Variants in RALYL observed in about 807,000 individuals in gnomAD.
RALYL encodes the protein RALY RNA binding protein like, also known as RNA-binding Raly-like protein.
RALYL carries 29 observed loss-of-function variants against 35.1 expected under a neutral mutation model. The observed-to-expected ratio is 0.83, with a 90% CI of 0.61 to 1.13. RALYL has a LOEUF of 1.13. Ranked by LOEUF, RALYL falls within the 50% of genes most tolerant of loss-of-function variation. The probability of loss-of-function intolerance (pLI) is 0.00; values close to 1 mark genes in which losing one functional copy is unlikely to be tolerated. For synonymous variants in RALYL, 120 were observed against 127.6 expected, an observed-to-expected ratio of 0.94 and a Z score of 0.40; for missense variants, 359 against 360.4, an observed-to-expected ratio of 1.00 and a Z score of 0.03.
At chr8:84,192,070 A>C (rs1293910055) in intron 1 of RALYL, among the ~76,000 whole-genome samples, 2 of 152,224 alleles carry the variant, frequency 1.3e-5, no homozygotes, top group Non-Finnish European at 2.9e-5. Flanking sequence ...ACCCAACATC[A>C]CCAATAGACA....
intron 2 of RALYL, among the ~76,000 whole-genome samples, chr8:84,634,626 A>G (rs1400067685): frequency 6.6e-6 from 1 of 151,802 alleles, no homozygotes; most frequent in Middle Eastern, 3.2e-3. Context: ...TATATTCAAT[A>G]CATTTATTAA....
At chr8:84,553,217 A>G (rs2060870665) in intron 2 of RALYL, among the ~76,000 whole-genome samples, 1 of 152,202 alleles carries the variant, frequency 6.6e-6, no homozygotes. Context: ...CCTGGAGTGC[A>G]GTGGCACAAT....
intron 1 of RALYL, among the ~76,000 whole-genome samples, chr8:84,307,484 A>G (rs1842040707): frequency 6.6e-6 from 1 of 152,220 alleles, no homozygotes; most frequent in African/African-American, 2.4e-5. Context: ...AGCCAAATGA[A>G]GAAAAAAAAG....
Position 84,274,253 on chromosome 8 carries a change from C to T in RALYL, c.-24+89829C>T, listed in dbSNP as rs78099418. 5.0e-3 allele frequency among the ~76,000 whole-genome samples: 763 copies of T among 152,168 alleles called. 8 individuals carry two copies. Among genetic ancestry groups the T allele is most frequent in the African/African-American group, 0.018 (741 of 41,508 alleles). On this transcript the variant is annotated intron_variant, in intron 1 of 8. Coordinates refer to ENST00000521268, the MANE Select transcript of RALYL (RefSeq NM_173848.7). ...TAAATGTTACAAGTCTAGCAAAATG[C>T]CTTTACTTTCATCCCTTAATATGTT...
chr8:84,209,999 G>A (rs182950838), intron 1 of RALYL, among the ~76,000 whole-genome samples: 56 of 152,182 alleles, frequency 3.7e-4, no homozygotes, highest in African/African-American at 1.3e-3. Flanking sequence ...TTCTCATATG[G>A]AAAACTCACA....
intron 1 of RALYL, among the ~76,000 whole-genome samples, chr8:84,223,869 T>C (rs1407308603): frequency 2.6e-5 from 4 of 152,206 alleles, no homozygotes; most frequent in Non-Finnish European, 4.4e-5. Context: ...CAGAGTGTTA[T>C]GAATTAAATT....
At chr8:84,765,087 G>A (rs1329601927) in intron 2 of RALYL, among the ~76,000 whole-genome samples, 1 of 152,092 alleles carries the variant, frequency 6.6e-6, no homozygotes, top group Non-Finnish European at 1.5e-5. Flanking sequence ...AACCCACCTG[G>A]CCAGGAAATT....
intron 1 of RALYL, among the ~76,000 whole-genome samples, chr8:84,488,645 G>A (rs192965919): frequency 8.0e-4 from 122 of 151,686 alleles, no homozygotes; most frequent in Non-Finnish European, 8.6e-4. Flanking sequence ...TCAAACCACT[G>A]AAGTTCAAGT....
intron 3 of RALYL, among the ~76,000 whole-genome samples, chr8:84,775,932 T>C (rs193232649): frequency 1.8e-4 from 27 of 152,316 alleles, no homozygotes; most frequent in African/African-American, 6.3e-4. Flanking sequence ...TTGTTAGATA[T>C]AGCCAATTGT....
chr8:84,611,141 T>G (rs755826848), intron 2 of RALYL, among the ~76,000 whole-genome samples: 1 of 152,118 alleles, frequency 6.6e-6, no homozygotes, highest in South Asian at 2.1e-4. Context: ...TTTATCCTAC[T>G]TTACAGAAAA....
At chr8:84,555,780 T>C (rs749446173) in intron 2 of RALYL, among the ~76,000 whole-genome samples, 5 of 152,226 alleles carry the variant, frequency 3.3e-5, no homozygotes, top group Non-Finnish European at 5.9e-5. Flanking sequence ...CATTGTAGCT[T>C]ATATAACATT....
Position 84,804,752 on chromosome 8 carries a change from T to G in RALYL, c.333-18T>G, listed in dbSNP as rs1360263591. ...GCAAATTTTTATATTAAAAGAAAAT[T>G]TTCATATTTTTTCATAGACTTGAAT... On this transcript the variant is annotated intron_variant, in intron 3 of 8. Transcript: ENST00000521268. 1.7e-6 allele frequency: 2 copies of G among 1,152,564 alleles called. No individual in the cohort carries two copies. Among genetic ancestry groups the G allele is most frequent in the African/African-American group, 1.6e-5 (1 of 63,168 alleles). The allele number at this position is 1,152,564 out of a possible 1,614,324, so 71.4% of individuals were successfully genotyped here.
At chr8:84,479,702 TTA>T (rs2053851285) in intron 1 of RALYL, among the ~76,000 whole-genome samples, 1 of 152,180 alleles carries the variant, frequency 6.6e-6, no homozygotes, top group South Asian at 2.1e-4. Context: ...GGGCTACTGC[TTA>T]CATTCTTGCC....
intron 6 of RALYL, among the ~76,000 whole-genome samples, chr8:84,863,391 C>T (rs1358943538): frequency 6.6e-6 from 1 of 152,066 alleles, no homozygotes; most frequent in African/African-American, 2.4e-5. Flanking sequence ...GCAACAGAGC[C>T]GAGCCAGAGA....
chr8:84,478,873 T>A (rs1259171864), intron 1 of RALYL, among the ~76,000 whole-genome samples: 1 of 144,242 alleles, frequency 6.9e-6, no homozygotes, highest in Non-Finnish European at 1.5e-5. Context: ...GATCACGAGG[T>A]CAGGAGATCG....
chr8:84,359,113 T>C lies in RALYL; in HGVS notation c.-23-170186T>C, dbSNP rs189656504. Among the ~76,000 whole-genome samples the C allele has an allele frequency of 3.0e-3, 454 of 152,124 alleles. 4 individuals carry two copies. The highest frequency in any genetic ancestry group is 0.011 in the African/African-American group (442 of 41,548). On this transcript the variant is annotated intron_variant, in intron 1 of 8. Coordinates refer to ENST00000521268, the MANE Select transcript of RALYL (RefSeq NM_173848.7). ...CCATATGAATCCATTTTACTAAAATTGAATTAAAGAAAATATTATTTCTCC... is the reference window on the plus strand; with the variant it reads ...CCATATGAATCCATTTTACTAAAATCGAATTAAAGAAAATATTATTTCTCC...
At chr8:84,527,497 T>G (rs1202830119) in intron 1 of RALYL, among the ~76,000 whole-genome samples, 1 of 152,194 alleles carries the variant, frequency 6.6e-6, no homozygotes, top group African/African-American at 2.4e-5. Context: ...TGAAAATAAC[T>G]CTATGGTGTT....
chr8:84,529,760 T>C (rs541441550), intron 2 of RALYL, among the ~76,000 whole-genome samples, 183 bp downstream of exon 2: 6 of 152,330 alleles, frequency 3.9e-5, no homozygotes, highest in Admixed American at 3.9e-4. Flanking sequence ...TTATTTTCTG[T>C]ACAAATTTAT....
chr8:84,508,609 T>C (rs1009283443), intron 1 of RALYL, among the ~76,000 whole-genome samples: 1 of 152,084 alleles, frequency 6.6e-6, no homozygotes, highest in Non-Finnish European at 1.5e-5. Context: ...TATTAAAACT[T>C]CTTAAGTTAG....
Sources: gnomAD v4.1 joint callset for allele counts (sites outside exome capture counted in the v4.1 genomes callset) on GRCh38, gnomAD v4.1.1 for gene constraint, MANE v1.5 for transcripts, NCBI Gene and HGNC (gene_info 2026-07-23, HGNC 2026-07-21) for gene names.